The following LAMP1 variants were observed in gnomAD, a reference collection of about 807,000 sequenced individuals.
LAMP1 encodes lysosome associated membrane protein 1.
Under a neutral mutation model 37.5 loss-of-function variants are expected in LAMP1, and 7 were observed. That is an observed-to-expected ratio of 0.19 (90% CI 0.11 to 0.35). The LOEUF is 0.35. Among genes scored for constraint, LAMP1 ranks in the 10% least tolerant of loss-of-function variants. LAMP1 has a pLI of 1.00. For missense variants in LAMP1, 537 were observed against 552.8 expected, an observed-to-expected ratio of 0.97 and a Z score of 0.29; for synonymous variants, 236 against 229.1, an observed-to-expected ratio of 1.03 and a Z score of -0.27.
At chr13:113,310,208 G>A (rs989752049) in intron 3 of LAMP1, among the ~76,000 whole-genome samples, 1 of 151,656 alleles carries the variant, frequency 6.6e-6, no homozygotes, top group Non-Finnish European at 1.5e-5. Context: ...CAGCCTAGGC[G>A]ACCAAGTGAG....
chr13:113,302,742 T>C (rs990617549), intron 1 of LAMP1, among the ~76,000 whole-genome samples: 22 of 152,134 alleles, frequency 1.4e-4, no homozygotes, highest in African/African-American at 5.1e-4. Flanking sequence ...TGTTTCCTCA[T>C]TGGAAGCCCG....
intron 4 of LAMP1, among the ~76,000 whole-genome samples, chr13:113,312,921 C>T (rs763706180): frequency 2.3e-4 from 35 of 152,088 alleles, no homozygotes; most frequent in Non-Finnish European, 4.0e-4. Context: ...TCACGGTTAT[C>T]GATTTCCAAA....
chr13:113,320,464 C>T lies in LAMP1; in HGVS notation c.870C>T (p.Phe290=), dbSNP rs776061850. The T allele has an allele frequency of 1.9e-5, 31 of 1,607,698 alleles. No individual in the cohort carries two copies. Among genetic ancestry groups the T allele is most frequent in the South Asian group, 3.3e-5 (3 of 91,074 alleles). The change falls in exon 6 of 9, where the codon TTC becomes TTT. Residue 290 remains phenylalanine, a synonymous_variant. Coordinates refer to ENST00000332556, the MANE Select transcript of LAMP1 (RefSeq NM_005561.4). This position sits in a 1 kb window ranked among gnomAD's most constrained non-coding sequence, Gnocchi z 4.4. The part of the protein sequence containing the change: ...SEGTTVLLFQ[F]GMNASSSRFF... ...GCACCACCGTCCTGCTCTTCCAGTTCGGGATGGTGAGGCTGGGGCGGCACC... is the reference window on the plus strand; with the variant it reads ...GCACCACCGTCCTGCTCTTCCAGTTTGGGATGGTGAGGCTGGGGCGGCACC...
chr13:113,322,077 G>T (rs867135557), intron 8 of LAMP1: 38 of 606,146 alleles, frequency 6.3e-5, no homozygotes, highest in Middle Eastern at 4.4e-4. Context: ...TCCAGACGGG[G>T]GAGAGACGTG....
intron 4 of LAMP1, among the ~76,000 whole-genome samples, chr13:113,319,172 G>A (rs770580082): frequency 1.6e-4 from 24 of 152,222 alleles, no homozygotes; most frequent in Non-Finnish European, 1.3e-4. Flanking sequence ...CAGCCACGGG[G>A]CTTGGGGTGT....
At chr13:113,302,012 G>A (rs1325380223) in intron 1 of LAMP1, among the ~76,000 whole-genome samples, 4 of 151,416 alleles carry the variant, frequency 2.6e-5, no homozygotes, top group African/African-American at 9.7e-5. Flanking sequence ...ACAGGCATGC[G>A]CCACCATGCC....
intron 1 of LAMP1, among the ~76,000 whole-genome samples, chr13:113,301,647 ATATATAT>A (rs2042574492): frequency 7.6e-3 from 3 of 394 alleles, no homozygotes; most frequent in African/African-American, 0.014. Flanking sequence ...AAAAAAAAAT[ATATATAT>A]ATATATATAT....
chr13:113,300,474 G>A (rs1410627764), intron 1 of LAMP1, among the ~76,000 whole-genome samples: 4 of 100,296 alleles, frequency 4.0e-5, no homozygotes, highest in East Asian at 2.8e-4. Context: ...CAACAAAATC[G>A]AAACTCAATG....
intron 2 of LAMP1, among the ~76,000 whole-genome samples, 190 bp downstream of exon 2, chr13:113,306,796 A>G (rs964092950): frequency 7.2e-6 from 1 of 139,204 alleles, no homozygotes; most frequent in African/African-American, 2.7e-5. Flanking sequence ...ACAAACCTGT[A>G]TATGTGCTGC....
At chr13:113,310,468 G>A (rs980980798) in intron 3 of LAMP1, among the ~76,000 whole-genome samples, 1 of 152,210 alleles carries the variant, frequency 6.6e-6, no homozygotes, top group African/African-American at 2.4e-5. Flanking sequence ...GGAGGTTGCA[G>A]TGAGCCGAGA....
intron 1 of LAMP1, among the ~76,000 whole-genome samples, chr13:113,299,529 C>G (rs1289296146): frequency 2.0e-5 from 3 of 150,856 alleles, no homozygotes; most frequent in African/African-American, 7.3e-5. Context: ...TCCCAAAGTG[C>G]TGGGAGTACG....
At chr13:113,316,102 C>CAAAAACA (rs1467042550) in intron 4 of LAMP1, among the ~76,000 whole-genome samples, 1 of 151,808 alleles carries the variant, frequency 6.6e-6, no homozygotes, top group Admixed American at 6.6e-5. Context: ...GATTCCATCT[C>CAAAAACA]AAAAACAAAA....
intron 1 of LAMP1, among the ~76,000 whole-genome samples, chr13:113,304,471 C>T (rs1473040918): frequency 1.3e-5 from 2 of 152,184 alleles, no homozygotes; most frequent in East Asian, 3.9e-4. Context: ...TTTTAGAAAC[C>T]TTTACTATGT....
At chr13:113,306,302 A>C (rs1410943627) in intron 1 of LAMP1, 183 bp from the exon 2 acceptor site, 1 of 507,782 alleles carries the variant, frequency 2.0e-6, no homozygotes, top group African/African-American at 2.0e-5. Context: ...GGTTGCAGTG[A>C]GCTGAGATCA....
chr13:113,314,271 G>A (rs1221338279), intron 4 of LAMP1, among the ~76,000 whole-genome samples: 3 of 122,664 alleles, frequency 2.4e-5, no homozygotes, highest in South Asian at 2.8e-4. Context: ...GTGGCCTCCC[G>A]GAGGGAGTCA....
At chr13:113,314,245 T>A (rs1350949729) in intron 4 of LAMP1, among the ~76,000 whole-genome samples, 1 of 68,080 alleles carries the variant, frequency 1.5e-5, no homozygotes. Context: ...TGCGGAGATG[T>A]CGGTGTGCCT....
At position 113,322,731 on chromosome 13, in the gene LAMP1, C is replaced by T. The variant is rs1233417456; in HGVS notation, c.*310C>T. 1.4e-5 allele frequency: 1 copy of T among 70,610 alleles called. No individual in the cohort carries two copies. The highest frequency in any genetic ancestry group is 2.5e-5 in the Non-Finnish European group (1 of 39,660). The allele number at this position is 70,610 out of a possible 1,614,324, so 4.4% of individuals were successfully genotyped here. A position where few individuals can be genotyped will look rare whatever the true frequency, so the allele number is the denominator to read the frequency against. On this transcript the variant is annotated 3_prime_UTR_variant, in exon 9 of 9. Coordinates refer to ENST00000332556, the MANE Select transcript of LAMP1 (RefSeq NM_005561.4). ...CGCTGTCTCTGAGGGGTGGGGGTGC[C>T]GCTGTCTCTGAGGGGTGGGGGTGCC... is the stretch of plus-strand genomic sequence containing the variant.
At chr13:113,310,959 C>A in intron 4 of LAMP1, 92 bp downstream of exon 4, 1 of 1,097,520 alleles carries the variant, frequency 9.1e-7, no homozygotes, top group Non-Finnish European at 1.3e-6. Context: ...TGTCCTGGTG[C>A]TGGGCTCTGC....
At position 113,297,275 on chromosome 13, in the gene LAMP1, T is replaced by C. The variant is rs1344351081; in HGVS notation, c.-160T>C. The C allele has an allele frequency of 5.8e-6, 1 of 171,876 alleles. No homozygotes were observed. The allele number at this position is 171,876 out of a possible 1,614,324, so 10.6% of individuals were successfully genotyped here. ...GCTGCCGGCCGCGGTGTCTTCTTCGTGCCGGCGTCGCAGTGGCCGGGCCTC... is the reference window on the plus strand; with the variant it reads ...GCTGCCGGCCGCGGTGTCTTCTTCGCGCCGGCGTCGCAGTGGCCGGGCCTC... On this transcript the variant is annotated 5_prime_UTR_variant, in exon 1 of 9. Coordinates refer to ENST00000332556, the MANE Select transcript of LAMP1 (RefSeq NM_005561.4). This position sits in a 1 kb window ranked among gnomAD's most constrained non-coding sequence, Gnocchi z 4.4.
Sources: gnomAD v4.1 joint callset for allele counts (sites outside exome capture counted in the v4.1 genomes callset) on GRCh38, gnomAD v4.1.1 for gene constraint, Gnocchi (gnomAD v3.1) non-coding constraint, MANE v1.5 for transcripts, NCBI Gene and HGNC (gene_info 2026-07-23, HGNC 2026-07-21) for gene names.